ZNF14: variants seen among roughly 807,000 people sequenced by gnomAD.
ZNF14 encodes zinc finger protein 14, also known as gonadotropin inducible transcription repressor-4.
A neutral mutation model predicts 11.3 loss-of-function variants in ZNF14; 9 were observed. The observed-to-expected ratio is 0.80, with a 90% CI of 0.48 to 1.39. The LOEUF is 1.39. ZNF14 is among the 40% of genes most tolerant of loss of function. The pLI is 0.00. For synonymous variants in ZNF14, 239 were observed against 245.7 expected (o/e 0.97, Z 0.25); for missense variants, 711 against 763.9 (o/e 0.93, Z 0.82).
intron 1 of ZNF14, among the ~76,000 whole-genome samples, chr19:19,717,230 G>C (rs534748393): frequency 1.3e-5 from 2 of 152,184 alleles, no homozygotes; most frequent in South Asian, 4.2e-4. Flanking sequence ...ATTCACTAGG[G>C]CCTCCCTCAG....
intron 1 of ZNF14, among the ~76,000 whole-genome samples, chr19:19,730,012 T>C (rs2062418633): frequency 2.0e-5 from 3 of 152,124 alleles, no homozygotes; most frequent in Admixed American, 2.0e-4. Context: ...TTGGCTACAA[T>C]ATATGCAAAC....
intron 2 of ZNF14, 36 bp downstream of exon 2, chr19:19,714,325 A>C (rs938516233): frequency 2.2e-5 from 36 of 1,612,508 alleles, no homozygotes; most frequent in Non-Finnish European, 3.1e-5. Flanking sequence ...TCTGTGTTCT[A>C]TATTTAACTG....
At position 19,711,316 on chromosome 19, in the gene ZNF14, G is replaced by A; in HGVS notation, c.*36C>T. 6.6e-7 allele frequency: 1 copy of A among 1,523,052 alleles called. No homozygotes were observed. Among genetic ancestry groups the A allele is most frequent in the Non-Finnish European group, 8.8e-7 (1 of 1,140,000 alleles). The allele number at this position is 1,523,052 out of a possible 1,614,324, so 94.3% of individuals were successfully genotyped here. ...CTCTTTTGTGTATTCAGAAGGAGCT[G>A]GAACAACCGAAGGCTTCAGAATGTT... On this transcript the variant is annotated 3_prime_UTR_variant, in exon 4 of 4. Coordinates refer to ENST00000344099, the MANE Select transcript of ZNF14 (RefSeq NM_021030.3).
In ZNF14 at chr19:19,711,994, A is replaced by G. The variant is rs148702704; in HGVS notation, c.1287T>C (p.Ser429=). The G allele has an allele frequency of 4.3e-6, 7 of 1,613,428 alleles. No individual in the cohort carries two copies. In the African/African-American group the frequency reaches 9.4e-5, roughly 22 times the overall value. Residue 429 remains serine, a synonymous_variant, in exon 4 of 4, where the codon AGT becomes AGC. Transcript: ENST00000344099. ...CATGTCTTTGAAGGGAACTTGAAAA[A>G]CTGAAGGTTTTACCACATTGTTTAC... ...YECKQCGKTF[S]FSSSLQRHER... is the part of the protein sequence containing the mutation.
rs778952322 is a variant in ZNF14, at chr19:19,712,347, A to T, written c.934T>A (p.Cys312Ser). The change falls in exon 4 of 4, where the codon TGT (cysteine) becomes AGT (serine). Residue 312 changes from cysteine (C) to serine (S), a missense_variant. Coordinates refer to ENST00000344099, the MANE Select transcript of ZNF14 (RefSeq NM_021030.3). Reference protein sequence around the residue: ...SGEKPYECKECGKAFFYSASF... With the variant: ...SGEKPYECKESGKAFFYSASF... ...GCAGAATAAAAGAAGGCTTTTCCAC[A>T]TTCTTTACATTCATAGGGTTTCTCT... 6.2e-7 allele frequency: 1 copy of T among 1,613,680 alleles called. No individual in the cohort carries two copies. The highest frequency in any genetic ancestry group is 1.1e-5 in the South Asian group (1 of 90,972).
At position 19,712,963 on chromosome 19, in the gene ZNF14, G is replaced by C; in HGVS notation, c.318C>G (p.Ser106Arg). The C allele has an allele frequency of 1.2e-6, 2 of 1,614,102 alleles. No individual in the cohort carries two copies. The highest frequency in any genetic ancestry group is 1.1e-5 in the South Asian group (1 of 91,080). The change falls in exon 4 of 4, where the codon AGC becomes AGG. Residue 106 changes from serine to arginine, a missense_variant. Transcript: ENST00000344099. ...GATGAATGAAGTCTCTTCCACAAAA[G>C]CTGCATTCATGTGGTTTTGCTCCAG... ...TFTGAKPHEC[S>R]FCGRDFIHHS...
In ZNF14 at chr19:19,712,516, T is replaced by A. The variant is rs762306553; in HGVS notation, c.765A>T (p.Gln255His). ...HTGEKPYECK[Q>H]CGKAFSCPTY... ...TGGGACAACTGAAAGCCTTACCACA[T>A]TGCTTACATTCATAGGGTTTCTCTC... The change falls in exon 4 of 4, where the codon CAA (glutamine) becomes CAT (histidine). Residue 255 changes from glutamine to histidine, a missense_variant. Coordinates refer to ENST00000344099, the MANE Select transcript of ZNF14 (RefSeq NM_021030.3). 6.2e-7 allele frequency: 1 copy of A among 1,613,402 alleles called. No individual in the cohort carries two copies. The highest frequency in any genetic ancestry group is 1.1e-5 in the South Asian group (1 of 90,904).
chr19:19,712,886 TC>T lies in ZNF14; in HGVS notation c.394del (p.Glu132SerfsTer35). Reference protein sequence around the residue: ...MRSHTGQKPNEYQEYEKQPCK... With the variant: ...MRSHTGQKPNXYQEYEKQPCK... ...TGGTTGCTTTTCATATTCCTGATAC[TC>T]ATTTGGTTTCTGTCCAGTGTGAGAT... On this transcript the variant is annotated frameshift_variant, in exon 4 of 4. Coordinates refer to ENST00000344099, the MANE Select transcript of ZNF14 (RefSeq NM_021030.3). LOFTEE classifies it low-confidence loss of function (END_TRUNC). 1 of 1,614,172 alleles carries T rather than the reference TC, an allele frequency of 6.2e-7. No homozygotes were observed. Among genetic ancestry groups the T allele is most frequent in the Non-Finnish European group, 8.5e-7 (1 of 1,180,008 alleles).
rs1267592502 is a variant in ZNF14 at position 19,723,986 on chromosome 19, G to C, written c.3+8970C>G. On this transcript the variant is annotated intron_variant, in intron 1 of 3. Transcript: ENST00000344099. ...TTCTTCTCTCTTTTATTCTTTATTA[G>C]TCTTGCTAGCAGTCTATCAATTTTG... Among the ~76,000 whole-genome samples, 5 of 132,428 alleles carry C rather than the reference G, an allele frequency of 3.8e-5. 2 individuals carry two copies. Among genetic ancestry groups the C allele is most frequent in the African/African-American group, 8.4e-5 (3 of 35,690 alleles). 86.9% of individuals were successfully genotyped at this position (132,428 alleles called of 152,430 possible). A position where few individuals can be genotyped will look rare whatever the true frequency, so the allele number is the denominator to read the frequency against.
intron 1 of ZNF14, among the ~76,000 whole-genome samples, chr19:19,716,286 ATTTAT>A (rs149916271): frequency 0.2 from 29,808 of 151,766 alleles, 3,015 homozygotes; most frequent in Middle Eastern, 0.25. Flanking sequence ...ATTTTATTTT[ATTTAT>A]TTTATTTCAT....
At chr19:19,732,684 G>A (rs2062427491) in intron 1 of ZNF14, among the ~76,000 whole-genome samples, 1 of 152,210 alleles carries the variant, frequency 6.6e-6, no homozygotes, top group Non-Finnish European at 1.5e-5. Context: ...CGCTGTCACC[G>A]AACAATCCGG....
At chr19:19,726,846 G>T (rs1038017302) in intron 1 of ZNF14, among the ~76,000 whole-genome samples, 3 of 133,960 alleles carry the variant, frequency 2.2e-5, no homozygotes, top group Non-Finnish European at 5.0e-5. Context: ...TGCTGTGCTA[G>T]CAGTGAAAGA....
intron 1 of ZNF14, among the ~76,000 whole-genome samples, chr19:19,729,618 A>T (rs2062417470): frequency 6.6e-6 from 1 of 152,054 alleles, no homozygotes; most frequent in Non-Finnish European, 1.5e-5. Context: ...ACCTGGGCCT[A>T]CACACACGAC....
chr19:19,711,817 A>T lies in ZNF14; in HGVS notation c.1464T>A (p.Ser488Arg). Residue 488 changes from serine (S) to arginine (R), a missense_variant, in exon 4 of 4, where the codon AGT becomes AGA. By Grantham distance (110) the Ser-to-Arg change is moderately radical. Coordinates refer to ENST00000344099, the MANE Select transcript of ZNF14 (RefSeq NM_021030.3). Reference protein sequence around the residue: ...KQCGKVFIRSSSFRLHERTHT... With the variant: ...KQCGKVFIRSRSFRLHERTHT... ...GTGTTCTTTCATGCAGTCGAAAGGA[A>T]CTGGAACGAATGAAAACTTTTCCAC... The T allele has an allele frequency of 6.2e-7, 1 of 1,613,562 alleles. No individual in the cohort carries two copies. Among genetic ancestry groups the T allele is most frequent in the Non-Finnish European group, 8.5e-7 (1 of 1,179,550 alleles).
At chr19:19,732,910 G>A in intron 1 of ZNF14, 46 bp downstream of exon 1, 8 of 1,612,658 alleles carry the variant, frequency 5.0e-6, no homozygotes, top group Non-Finnish European at 6.8e-6. Context: ...GCCACAGACG[G>A]TTCCAACCAG....
rs566547317 is a variant in ZNF14, at chr19:19,713,020, C to T, written c.261G>A (p.Met87Ile). Residue 87 changes from methionine to isoleucine, a missense_variant, in exon 4 of 4, where the codon ATG becomes ATA. Physicochemically the swap from Met to Ile is conservative, Grantham distance 10. Coordinates refer to ENST00000344099, the MANE Select transcript of ZNF14 (RefSeq NM_021030.3). ...GSKCGETTSQ[M>I]PNVNINKETF... ...TTTCCTTGTTGATATTAACATTTGG[C>T]ATCTGGCTAGTGGTTTCTCCACATT... 1.2e-6 allele frequency: 2 copies of T among 1,614,034 alleles called. No individual in the cohort carries two copies. The highest frequency in any genetic ancestry group is 1.3e-5 in the African/African-American group (1 of 75,054).
At chr19:19,731,371 T>TCAAGA (rs2062422766) in intron 1 of ZNF14, among the ~76,000 whole-genome samples, 2 of 151,510 alleles carry the variant, frequency 1.3e-5, no homozygotes, top group East Asian at 3.9e-4. Context: ...GGTCAGGAGT[T>TCAAGA]CAAGACCAGC....
Position 19,712,408 on chromosome 19 carries a change from G to A in ZNF14, c.873C>T (p.Leu291=). The A allele has an allele frequency of 1.9e-6, 3 of 1,609,644 alleles. No individual in the cohort carries two copies. The highest frequency in any genetic ancestry group is 2.5e-6 in the Non-Finnish European group (3 of 1,178,770). The change falls in exon 4 of 4, where the codon CTC becomes CTT. Residue 291 remains leucine (L), a synonymous_variant. Coordinates refer to ENST00000344099, the MANE Select transcript of ZNF14 (RefSeq NM_021030.3). ...TCCTTTTATGCCTTCGAAAAGAACT[G>A]AGAAAACTGAAGGCTTTACCACATT... ...CKECGKAFSF[L]SSFRRHKRTH... is the part of the protein sequence containing the mutation.
rs940851912 is a variant in ZNF14, at chr19:19,711,302, A to G, written c.*50T>C. ...CTGTCCAGTATGAACTCTTTTGTGT[A>G]TTCAGAAGGAGCTGGAACAACCGAA... On this transcript the variant is annotated 3_prime_UTR_variant, in exon 4 of 4. Coordinates refer to ENST00000344099, the MANE Select transcript of ZNF14 (RefSeq NM_021030.3). 1 of 1,514,632 alleles carries G rather than the reference A, an allele frequency of 6.6e-7. No individual in the cohort carries two copies. 93.8% of individuals were successfully genotyped at this position (1,514,632 alleles called of 1,614,324 possible).
Sources: gnomAD v4.1 joint callset for allele counts (sites outside exome capture counted in the v4.1 genomes callset) on GRCh38, gnomAD v4.1.1 for gene constraint, MANE v1.5 for transcripts, NCBI Gene and HGNC (gene_info 2026-07-23, HGNC 2026-07-21) for gene names.